Variants in MEI4 observed in about 807,000 individuals in gnomAD.
The protein encoded by MEI4 is meiotic double-stranded break formation protein 4.
MEI4 carries 27 observed loss-of-function variants against 31.4 expected under a neutral mutation model. The observed-to-expected ratio is 0.86, with a 90% CI of 0.63 to 1.19. MEI4 has a LOEUF of 1.19. Ranked by LOEUF, MEI4 falls within the 50% of genes most tolerant of loss-of-function variation. MEI4 has a pLI of 0.00. For synonymous variants in MEI4, 122 were observed against 145.4 expected (o/e 0.84, Z 1.16); for missense variants, 329 against 398.9 (o/e 0.82, Z 1.49).
chr6:77,829,400 T>A (rs571017841), intron 4 of MEI4, among the ~76,000 whole-genome samples: 1 of 152,270 alleles, frequency 6.6e-6, no homozygotes, highest in Non-Finnish European at 1.5e-5. Context: ...CTGGAGAGGA[T>A]TCTAAATGGA....
At chr6:77,889,111 A>G (rs1435784921) in intron 4 of MEI4, among the ~76,000 whole-genome samples, 1 of 152,072 alleles carries the variant, frequency 6.6e-6, no homozygotes, top group Admixed American at 6.6e-5. Context: ...ATAAATCGAT[A>G]CCACAGAGAG....
chr6:77,683,702 C>T (rs1562204638), intron 1 of MEI4, among the ~76,000 whole-genome samples: 1 of 152,108 alleles, frequency 6.6e-6, no homozygotes, highest in African/African-American at 2.4e-5. Context: ...TTTTCAGGTT[C>T]ATTAATGCTG....
chr6:77,914,937 T>C (rs1482943801), intron 4 of MEI4, among the ~76,000 whole-genome samples: 2 of 152,126 alleles, frequency 1.3e-5, no homozygotes, highest in African/African-American at 4.8e-5. Context: ...TTTCAGTCTA[T>C]ATGTGTCTTT....
At chr6:77,734,579 G>A (rs1055110456) in intron 2 of MEI4, among the ~76,000 whole-genome samples, 1 of 152,004 alleles carries the variant, frequency 6.6e-6, no homozygotes, top group South Asian at 2.1e-4. Context: ...GATGGGTCTT[G>A]ACTCTTTATC....
At chr6:77,780,450 C>G (rs750170301) in intron 3 of MEI4, among the ~76,000 whole-genome samples, 4 of 152,164 alleles carry the variant, frequency 2.6e-5, no homozygotes, top group Non-Finnish European at 4.4e-5. Flanking sequence ...GCTGCCACAA[C>G]TGTTTCTGTG....
chr6:77,732,054 G>A (rs990965779), intron 2 of MEI4, among the ~76,000 whole-genome samples: 4 of 148,758 alleles, frequency 2.7e-5, no homozygotes, highest in Non-Finnish European at 5.9e-5. Context: ...TTTGAAGTCA[G>A]GTAGTGTGAT....
chr6:77,746,517 G>T (rs193107812), intron 2 of MEI4, among the ~76,000 whole-genome samples: 1 of 152,168 alleles, frequency 6.6e-6, no homozygotes, highest in Admixed American at 6.5e-5. Flanking sequence ...AAGTCTGCCA[G>T]TTTTTGGACT....
intron 1 of MEI4, among the ~76,000 whole-genome samples, chr6:77,664,216 A>G: frequency 6.6e-6 from 1 of 152,028 alleles, no homozygotes; most frequent in African/African-American, 2.4e-5. Flanking sequence ...CCGGAATTTA[A>G]TTTTTGGAGT....
intron 3 of MEI4, among the ~76,000 whole-genome samples, chr6:77,764,855 A>T (rs1305504350): frequency 6.6e-6 from 1 of 152,060 alleles, no homozygotes; most frequent in Non-Finnish European, 1.5e-5. Context: ...ACAATTTTGA[A>T]CAAACTTTGT....
chr6:77,729,621 A>C (rs1766919811), intron 2 of MEI4, among the ~76,000 whole-genome samples: 2 of 152,196 alleles, frequency 1.3e-5, no homozygotes, highest in African/African-American at 2.4e-5. Context: ...TTGGGAAAAG[A>C]GCAAAGCAGT....
intron 3 of MEI4, among the ~76,000 whole-genome samples, chr6:77,781,952 C>T (rs138928958): frequency 2.2e-3 from 339 of 152,210 alleles, no homozygotes; most frequent in African/African-American, 6.9e-3. Context: ...GGTTACCCAC[C>T]GGGTTTCAGG....
intron 3 of MEI4, among the ~76,000 whole-genome samples, chr6:77,804,644 C>A (rs780024448): frequency 4.6e-5 from 7 of 152,188 alleles, no homozygotes; most frequent in Non-Finnish European, 7.3e-5. Flanking sequence ...TAGTAGTTCA[C>A]ATCCCTTTCT....
Position 77,856,660 on chromosome 6 carries a change from C to G in MEI4, c.900+27598C>G, listed in dbSNP as rs1289400737. On this transcript the variant is annotated intron_variant, in intron 4 of 4. Transcript: ENST00000684080. ...TCTCAGGGCTACAGAGTGTAAATTGCAAGAGCGTGGCTAAGGCCCGGCATC... is the reference window on the plus strand; with the variant it reads ...TCTCAGGGCTACAGAGTGTAAATTGGAAGAGCGTGGCTAAGGCCCGGCATC... Among the ~76,000 whole-genome samples the G allele has an allele frequency of 2.0e-5, 3 of 152,190 alleles. No homozygotes were observed. In the East Asian group the frequency reaches 5.8e-4, roughly 29 times the overall value.
intron 3 of MEI4, among the ~76,000 whole-genome samples, chr6:77,783,939 A>G (rs1768663641): frequency 1.0e-5 from 1 of 95,814 alleles, no homozygotes; most frequent in African/African-American, 5.2e-5. Context: ...ATATATAGCA[A>G]TTATAGCAAT....
Position 77,696,873 on chromosome 6 carries a change from C to G in MEI4, c.232+5970C>G, listed in dbSNP as rs564868274. Among the ~76,000 whole-genome samples, 5 of 152,150 alleles carry G rather than the reference C, an allele frequency of 3.3e-5. No individual in the cohort carries two copies. The East Asian group carries it at 9.6e-4, about 29-fold the overall frequency. On this transcript the variant is annotated intron_variant, in intron 2 of 4. Coordinates refer to ENST00000684080, the MANE Select transcript of MEI4 (RefSeq NM_001322247.2). ...TCCTCCTAGTACCTCTGGTAGAATTCGGCTGTGAATCCATCTGGTCCTGGA... is the reference window on the plus strand; with the variant it reads ...TCCTCCTAGTACCTCTGGTAGAATTGGGCTGTGAATCCATCTGGTCCTGGA...
At chr6:77,699,393 C>T (rs944164735) in intron 2 of MEI4, among the ~76,000 whole-genome samples, 9 of 151,640 alleles carry the variant, frequency 5.9e-5, no homozygotes, top group South Asian at 2.1e-4. Context: ...GGGGTTTCAC[C>T]GTTTTAGCCG....
At chr6:77,744,681 G>T (rs1243784484) in intron 2 of MEI4, among the ~76,000 whole-genome samples, 1 of 152,184 alleles carries the variant, frequency 6.6e-6, no homozygotes, top group Non-Finnish European at 1.5e-5. Flanking sequence ...ATTCACCAAA[G>T]TTGAAATGAA....
At chr6:77,822,412 A>G (rs1370681090) in intron 3 of MEI4, among the ~76,000 whole-genome samples, 1 of 152,188 alleles carries the variant, frequency 6.6e-6, no homozygotes, top group Non-Finnish European at 1.5e-5. Flanking sequence ...CATGTAAAAT[A>G]TTAACCAGTT....
chr6:77,869,829 A>G (rs1174437471), intron 4 of MEI4, among the ~76,000 whole-genome samples: 2 of 152,182 alleles, frequency 1.3e-5, no homozygotes, highest in Admixed American at 6.6e-5. Context: ...AGTCTTGAGA[A>G]TGTTTCATGC....
Sources: gnomAD v4.1 joint callset for allele counts (sites outside exome capture counted in the v4.1 genomes callset) on GRCh38, gnomAD v4.1.1 for gene constraint, MANE v1.5 for transcripts, NCBI Gene and HGNC (gene_info 2026-07-23, HGNC 2026-07-21) for gene names.